The following RFX6 variants were observed in gnomAD, a reference collection of about 807,000 sequenced individuals.
RFX6 encodes DNA-binding protein RFX6.
Under a neutral mutation model 110.8 loss-of-function variants are expected in RFX6, and 50 were observed. The ratio of observed to expected loss-of-function variants is 0.45; its 90% CI spans 0.36 to 0.57. RFX6 has a LOEUF of 0.57. Ranked by LOEUF, RFX6 falls within the 20% of genes least tolerant of loss-of-function variation. The pLI is 0.00. For synonymous variants in RFX6, 383 were observed against 411.2 expected (o/e 0.93, Z 0.83); for missense variants, 990 against 1,127.0 (o/e 0.88, Z 1.74).
intron 18 of RFX6, among the ~76,000 whole-genome samples, chr6:116,929,688 A>G (rs925334663): frequency 6.6e-6 from 1 of 152,232 alleles, no homozygotes; most frequent in Non-Finnish European, 1.5e-5. Context: ...GTTTCTAAAA[A>G]TACTAATAAG....
At position 116,877,422 on chromosome 6, in the gene RFX6, C is replaced by T. The variant is rs752419809; in HGVS notation, c.147C>T (p.Ala49=). The T allele has an allele frequency of 4.4e-6, 7 of 1,598,978 alleles. No homozygotes were observed. The highest frequency in any genetic ancestry group is 1.1e-5 in the South Asian group (1 of 88,546). Residue 49 remains alanine (A), a synonymous_variant, in exon 1 of 19, where the codon GCC becomes GCT. Coordinates refer to ENST00000332958, the MANE Select transcript of RFX6 (RefSeq NM_173560.4). ...VYPEETVYLA[A]EGQPGGEQGG... ...CGGAAGAAACAGTGTACCTGGCGGC[C>T]GAAGGGCAGCCCGGGGGCGAGCAGG...
intron 18 of RFX6, among the ~76,000 whole-genome samples, chr6:116,929,831 A>T (rs1450578757): frequency 6.6e-6 from 1 of 152,218 alleles, no homozygotes; most frequent in African/African-American, 2.4e-5. Flanking sequence ...CAACCAGAGC[A>T]TAAGGGAAAA....
chr6:116,878,503 G>T (rs571873760), intron 2 of RFX6, among the ~76,000 whole-genome samples: 2 of 152,020 alleles, frequency 1.3e-5, no homozygotes, highest in South Asian at 2.1e-4. Context: ...TATCATATAT[G>T]ATTTATAATA....
In RFX6 at chr6:116,924,772, C is replaced by G. The variant is rs200703549; in HGVS notation, c.1659C>G (p.Asp553Glu). ...DKEQELQNLLDKYMKNSDASK... is the reference protein window; with the variant it reads ...DKEQELQNLLEKYMKNSDASK... ...AGCAGGAGTTACAGAATTTATTGGA[C>G]AAGTATATGAAGAATTCAGGTAACT... Residue 553 changes from aspartate to glutamate, a missense_variant, in exon 15 of 19, where the codon GAC becomes GAG. By Grantham distance (45) the Asp-to-Glu change is conservative. Around this residue, in one of 5 missense-constraint regions of RFX6, gnomAD observed 89 missense variants for 140.3 expected, o/e 0.63. Transcript: ENST00000332958. 3.4e-5 allele frequency: 54 copies of G among 1,586,324 alleles called. No individual in the cohort carries two copies. Among genetic ancestry groups the G allele is most frequent in the Non-Finnish European group, 3.1e-5 (36 of 1,154,862 alleles).
At chr6:116,884,246 T>C (rs1234590416) in intron 4 of RFX6, among the ~76,000 whole-genome samples, 2 of 152,146 alleles carry the variant, frequency 1.3e-5, no homozygotes, top group Non-Finnish European at 2.9e-5. Flanking sequence ...CTCTGCACCC[T>C]GTGGCAGTTT....
intron 16 of RFX6, among the ~76,000 whole-genome samples, chr6:116,925,979 G>A (rs780935194): frequency 2.6e-5 from 4 of 152,136 alleles, no homozygotes; most frequent in African/African-American, 9.7e-5. Flanking sequence ...AAAATGGGTT[G>A]CTTATTTCTG....
intron 5 of RFX6, 130 bp downstream of exon 5, chr6:116,894,194 G>T (rs1056113699): frequency 1.0e-5 from 7 of 689,762 alleles, no homozygotes; most frequent in East Asian, 2.7e-5. Context: ...CTTAATGTCC[G>T]CTTTGTATGG....
intron 7 of RFX6, among the ~76,000 whole-genome samples, chr6:116,914,613 A>G (rs1465533493): frequency 1.3e-5 from 2 of 152,348 alleles, no homozygotes; most frequent in African/African-American, 2.4e-5. Context: ...GAGGTATTCT[A>G]TAGTCAGCAC....
At chr6:116,887,526 C>A (rs559287262) in intron 4 of RFX6, among the ~76,000 whole-genome samples, 4 of 152,122 alleles carry the variant, frequency 2.6e-5, no homozygotes, top group Non-Finnish European at 5.9e-5. Context: ...CAAAAGTATA[C>A]ACCTGGTTTT....
intron 6 of RFX6, among the ~76,000 whole-genome samples, chr6:116,897,716 C>T (rs930444237): frequency 2.0e-5 from 3 of 151,974 alleles, no homozygotes; most frequent in African/African-American, 4.8e-5. Context: ...AAGATCTGGA[C>T]CAGAATAATA....
chr6:116,925,638 A>G lies in RFX6; in HGVS notation c.1864A>G (p.Thr622Ala). Reference sequence around the variant, plus strand: ...TCTGCACCAGTTCCCTGCTGGGAACACAGACAACATGCCGCTCACAGGTAC... The same window carrying G: ...TCTGCACCAGTTCCCTGCTGGGAACGCAGACAACATGCCGCTCACAGGTAC... ...PALHQFPAGN[T>A]DNMPLTGQME... The change falls in exon 16 of 19, where the codon ACA becomes GCA. Residue 622 changes from threonine to alanine, a missense_variant. By Grantham distance (58) the Thr-to-Ala change is moderately conservative. Around this residue, in one of 5 missense-constraint regions of RFX6, gnomAD observed 438 missense variants for 441.9 expected, o/e 0.99. Coordinates refer to ENST00000332958, the MANE Select transcript of RFX6 (RefSeq NM_173560.4). 6.2e-7 allele frequency: 1 copy of G among 1,613,458 alleles called. No homozygotes were observed. The highest frequency in any genetic ancestry group is 8.5e-7 in the Non-Finnish European group (1 of 1,179,400).
At chr6:116,892,563 G>A (rs575849549) in intron 4 of RFX6, among the ~76,000 whole-genome samples, 11 of 152,288 alleles carry the variant, frequency 7.2e-5, no homozygotes, top group African/African-American at 2.6e-4. Context: ...AGATGCAGCT[G>A]GATCTTGGAT....
At chr6:116,920,626 C>T (rs540554714) in intron 12 of RFX6, among the ~76,000 whole-genome samples, 172 bp downstream of exon 12, 23 of 151,642 alleles carry the variant, frequency 1.5e-4, no homozygotes, top group Admixed American at 4.6e-4. Flanking sequence ...CTGAGACAAC[C>T]AAAAATGTTT....
At chr6:116,910,691 TA>T (rs1221243293) in intron 6 of RFX6, among the ~76,000 whole-genome samples, 1 of 152,196 alleles carries the variant, frequency 6.6e-6, no homozygotes, top group Non-Finnish European at 1.5e-5. Flanking sequence ...TATTCAAAAC[TA>T]AAATTTGAAG....
chr6:116,878,034 T>C, intron 2 of RFX6, 82 bp downstream of exon 2: 1 of 1,395,740 alleles, frequency 7.2e-7, no homozygotes, highest in Non-Finnish European at 1.0e-6. Context: ...ATTTTCACAA[T>C]TTACTTCTTC....
intron 6 of RFX6, among the ~76,000 whole-genome samples, chr6:116,908,715 CAG>C (rs1775267378): frequency 6.8e-6 from 1 of 146,304 alleles, no homozygotes; most frequent in African/African-American, 2.5e-5. Flanking sequence ...CACACACACA[CAG>C]AGGGATTGAG....
rs1291684856 is a variant in RFX6, at chr6:116,925,563, A to C, written c.1789A>C (p.Thr597Pro). 3 of 1,613,918 alleles carry C rather than the reference A, an allele frequency of 1.9e-6. No homozygotes were observed. Among genetic ancestry groups the C allele is most frequent in the Admixed American group, 1.7e-5 (1 of 59,990 alleles). Reference protein sequence around the residue: ...DAVKNESHVETTYLPLPSSQP... With the variant: ...DAVKNESHVEPTYLPLPSSQP... Reference sequence around the variant, plus strand: ...TGTGAAGAATGAAAGCCACGTGGAGACAACCTATCTCCCTCTGCCATCCAG... The same window carrying C: ...TGTGAAGAATGAAAGCCACGTGGAGCCAACCTATCTCCCTCTGCCATCCAG... Residue 597 changes from threonine (T) to proline (P), a missense_variant, in exon 16 of 19, where the codon ACA becomes CCA. Thr to Pro is a conservative substitution (Grantham distance 38). Around this residue, in one of 5 missense-constraint regions of RFX6, gnomAD observed 438 missense variants for 441.9 expected, o/e 0.99. Coordinates refer to ENST00000332958, the MANE Select transcript of RFX6 (RefSeq NM_173560.4).
chr6:116,888,321 T>G (rs909375225), intron 4 of RFX6, among the ~76,000 whole-genome samples: 2 of 152,182 alleles, frequency 1.3e-5, no homozygotes, highest in African/African-American at 4.8e-5. Flanking sequence ...AGCAATAATT[T>G]CATTTTTCAT....
chr6:116,896,733 G>A (rs1472441848), intron 6 of RFX6, among the ~76,000 whole-genome samples: 2 of 151,888 alleles, frequency 1.3e-5, no homozygotes, highest in Admixed American at 6.6e-5. Flanking sequence ...TATTTAGGGC[G>A]ACCAACCATC....
Sources: allele counts gnomAD v4.1 joint callset (sites outside exome capture counted in the v4.1 genomes callset), GRCh38; gene constraint gnomAD v4.1.1; regional missense constraint gnomAD v4.1.1; transcripts MANE v1.5; gene names NCBI Gene and HGNC (gene_info 2026-07-23, HGNC 2026-07-21).